Variants in MAGI3 observed in about 807,000 individuals in gnomAD.
MAGI3 encodes the protein membrane associated guanylate kinase, WW and PDZ domain containing 3.
MAGI3 carries 43 observed loss-of-function variants against 121.8 expected under a neutral mutation model. The ratio of observed to expected loss-of-function variants is 0.35; its 90% CI spans 0.28 to 0.46. The LOEUF (loss-of-function observed/expected upper bound fraction) is 0.46, where lower values mean the gene tolerates loss of function less well. MAGI3 is among the 20% of genes least tolerant of loss of function. The probability of loss-of-function intolerance (pLI) is 1.00; values close to 1 mark genes in which losing one functional copy is unlikely to be tolerated. For missense variants in MAGI3, 1,547 were observed against 1,797.3 expected, an observed-to-expected ratio of 0.86 and a Z score of 2.52; for synonymous variants, 553 against 639.3, an observed-to-expected ratio of 0.86 and a Z score of 2.04.
chr1:113,452,127 C>T (rs978181370), intron 1 of MAGI3, among the ~76,000 whole-genome samples: 5 of 152,008 alleles, frequency 3.3e-5, no homozygotes, highest in Non-Finnish European at 7.4e-5. Context: ...CTGTTGATTC[C>T]TTTTTGTTTT....
At chr1:113,584,871 T>G (rs1648255754) in intron 3 of MAGI3, among the ~76,000 whole-genome samples, 1 of 151,964 alleles carries the variant, frequency 6.6e-6, no homozygotes, top group Non-Finnish European at 1.5e-5. Flanking sequence ...GAAGAGCACT[T>G]GAGAAATTAG....
chr1:113,583,961 A>G (rs1648206855), intron 3 of MAGI3, among the ~76,000 whole-genome samples: 1 of 152,314 alleles, frequency 6.6e-6, no homozygotes, highest in African/African-American at 2.4e-5. Context: ...CAAAGAATTC[A>G]TGTTAAATGT....
intron 9 of MAGI3, among the ~76,000 whole-genome samples, chr1:113,640,004 C>G (rs1230664): frequency 0.012 from 1,857 of 152,288 alleles, 48 homozygotes; most frequent in African/African-American, 0.043. Context: ...CAGCCAGTGG[C>G]TTCTTAAACT....
At chr1:113,485,791 T>A (rs531406395) in intron 1 of MAGI3, among the ~76,000 whole-genome samples, 20 of 152,346 alleles carry the variant, frequency 1.3e-4, no homozygotes, top group African/African-American at 4.6e-4. Flanking sequence ...ATCTTTATGA[T>A]TTCAGGTTTT....
At chr1:113,568,072 A>G (rs1660506568) in intron 2 of MAGI3, among the ~76,000 whole-genome samples, 1 of 152,088 alleles carries the variant, frequency 6.6e-6, no homozygotes, top group Admixed American at 6.5e-5. Context: ...AGGCAAAACT[A>G]TACTGACAGT....
intron 3 of MAGI3, among the ~76,000 whole-genome samples, chr1:113,582,913 A>G (rs1648127776): frequency 6.6e-6 from 1 of 151,774 alleles, no homozygotes; most frequent in East Asian, 1.9e-4. Context: ...CTATTCTGAT[A>G]CTACAGTCTG....
At chr1:113,531,173 A>G (rs1302260523) in intron 1 of MAGI3, among the ~76,000 whole-genome samples, 1 of 152,140 alleles carries the variant, frequency 6.6e-6, no homozygotes, top group Non-Finnish European at 1.5e-5. Flanking sequence ...TCATATATAA[A>G]TCAGTGTTTA....
intron 1 of MAGI3, among the ~76,000 whole-genome samples, chr1:113,512,429 A>G (rs1657663884): frequency 6.6e-6 from 1 of 152,232 alleles, no homozygotes; most frequent in Admixed American, 6.5e-5. Flanking sequence ...AGTCACTACA[A>G]AACCATCTAC....
At chr1:113,570,250 C>T (rs1647225175) in intron 2 of MAGI3, among the ~76,000 whole-genome samples, 1 of 152,158 alleles carries the variant, frequency 6.6e-6, no homozygotes, top group Non-Finnish European at 1.5e-5. Flanking sequence ...GATAGTATTC[C>T]ATGGTGTCCC....
intron 2 of MAGI3, among the ~76,000 whole-genome samples, chr1:113,564,276 A>G (rs1425324558): frequency 2.0e-5 from 3 of 152,212 alleles, no homozygotes; most frequent in Non-Finnish European, 4.4e-5. Context: ...ATGAGAAGCC[A>G]TGGCATCACA....
chr1:113,651,160 A>C lies in MAGI3; in HGVS notation c.2394A>C (p.Arg798=). 1 of 1,614,020 alleles carries C rather than the reference A, an allele frequency of 6.2e-7. No homozygotes were observed. The highest frequency in any genetic ancestry group is 8.5e-7 in the Non-Finnish European group (1 of 1,180,002). The part of the protein sequence containing the change: ...QVLDLMTTAA[R]NGHVLLTVRR... ...TGGACCTCATGACAACTGCTGCTCG[A>C]AATGGCCATGTGTTACTAACTGTCA... Residue 798 remains arginine, a synonymous_variant, in exon 14 of 21, where the codon CGA becomes CGC. Coordinates refer to ENST00000307546, the MANE Select transcript of MAGI3 (RefSeq NM_001142782.2).
Position 113,530,249 on chromosome 1 carries a change from G to A in MAGI3, c.317-19266G>A, listed in dbSNP as rs187885322. 2.7e-4 allele frequency among the ~76,000 whole-genome samples: 40 copies of A among 150,328 alleles called. 1 individual carries two copies. The East Asian group carries it at 7.8e-3, about 29-fold the overall frequency. On this transcript the variant is annotated intron_variant, in intron 1 of 20. Transcript: ENST00000307546. ...AAAGCTTTATGTTTTATTGTCCATT[G>A]TTGAAAGTTGATTCCGGCTGTCTGC...
chr1:113,403,415 C>CT (rs1243512053), intron 1 of MAGI3, among the ~76,000 whole-genome samples: 1 of 152,046 alleles, frequency 6.6e-6, no homozygotes, highest in African/African-American at 2.4e-5. Context: ...TCCCTGCTGC[C>CT]TTTGCCATTG....
chr1:113,466,077 T>A (rs961935564), intron 1 of MAGI3, among the ~76,000 whole-genome samples: 4 of 152,138 alleles, frequency 2.6e-5, no homozygotes, highest in Admixed American at 6.6e-5. Flanking sequence ...TTGTTTCAGA[T>A]CTTAGAGGAA....
At chr1:113,636,353 T>C (rs956207804) in intron 9 of MAGI3, among the ~76,000 whole-genome samples, 1 of 152,248 alleles carries the variant, frequency 6.6e-6, no homozygotes, top group Non-Finnish European at 1.5e-5. Flanking sequence ...CTGCTTTCTT[T>C]TGTGGGCATT....
intron 1 of MAGI3, among the ~76,000 whole-genome samples, chr1:113,445,984 A>G (rs1654158360): frequency 6.6e-6 from 1 of 152,214 alleles, no homozygotes; most frequent in East Asian, 1.9e-4. Context: ...AGGTATATAC[A>G]TGGGTAATTA....
chr1:113,605,026 T>C (rs1217786627), intron 6 of MAGI3, among the ~76,000 whole-genome samples: 1 of 150,836 alleles, frequency 6.6e-6, no homozygotes, highest in East Asian at 1.9e-4. Flanking sequence ...AAATAAAATA[T>C]ACTGACAATA....
At chr1:113,579,526 C>G (rs1239817056) in intron 2 of MAGI3, among the ~76,000 whole-genome samples, 1 of 152,100 alleles carries the variant, frequency 6.6e-6, no homozygotes, top group African/African-American at 2.4e-5. Context: ...TGCCAAGGAT[C>G]ATGGGAAGCC....
chr1:113,483,921 C>T (rs1270690025), intron 1 of MAGI3, among the ~76,000 whole-genome samples: 1 of 151,670 alleles, frequency 6.6e-6, no homozygotes, highest in African/African-American at 2.4e-5. Context: ...GTGTGTTTAT[C>T]TGTTTTCTTC....
Sources: allele counts gnomAD v4.1 joint callset (sites outside exome capture counted in the v4.1 genomes callset), GRCh38; gene constraint gnomAD v4.1.1; transcripts MANE v1.5; gene names NCBI Gene and HGNC (gene_info 2026-07-23, HGNC 2026-07-21).